HORMAD2: variants seen among roughly 807,000 people sequenced by gnomAD.
HORMAD2 encodes HORMA domain containing 2.
In HORMAD2, 45 loss-of-function variants were observed where a neutral mutation model predicts 38.8. The ratio of observed to expected loss-of-function variants is 1.16; its 90% confidence interval spans 0.91 to 1.49. The LOEUF (loss-of-function observed/expected upper bound fraction) is 1.49, where lower values mean the gene tolerates loss of function less well. Ranked by LOEUF, HORMAD2 falls within the 40% of genes most tolerant of loss-of-function variation. HORMAD2 has a pLI of 0.00. For missense variants in HORMAD2, 338 were observed against 367.0 expected (o/e 0.92, Z 0.65); for synonymous variants, 126 against 122.8 (o/e 1.03, Z -0.17).
intron 10 of HORMAD2, among the ~76,000 whole-genome samples, chr22:30,145,727 T>G (rs1200426409): frequency 6.6e-6 from 1 of 152,226 alleles, no homozygotes; most frequent in Non-Finnish European, 1.5e-5. Flanking sequence ...AAGCTGTGTG[T>G]AATTGAAATT....
the HORMAD2 span, among the ~76,000 whole-genome samples, chr22:30,194,208 C>T: frequency 2.6e-5 from 4 of 152,170 alleles, no homozygotes; most frequent in Non-Finnish European, 4.4e-5. Flanking sequence ...ACATTTAGAG[C>T]GTTGCATTTA....
At chr22:30,136,231 A>T (rs889979998) in intron 10 of HORMAD2, among the ~76,000 whole-genome samples, 6 of 152,240 alleles carry the variant, frequency 3.9e-5, no homozygotes, top group Non-Finnish European at 7.3e-5. Context: ...AAGTTAAAGA[A>T]GCCAGAATCA....
chr22:30,188,552 A>ACAG, the HORMAD2 span, among the ~76,000 whole-genome samples: 38 of 152,366 alleles, frequency 2.5e-4, no homozygotes, highest in African/African-American at 8.9e-4. Flanking sequence ...TTTTGTATGT[A>ACAG]CATAAATTTC....
In HORMAD2 at chr22:30,176,254, C is replaced by T; in HGVS notation, c.*87C>T. 9 of 922,448 alleles carry T rather than the reference C, an allele frequency of 9.8e-6. No homozygotes were observed. Among genetic ancestry groups the T allele is most frequent in the Non-Finnish European group, 1.5e-5 (9 of 618,810 alleles). The allele number at this position is 922,448 out of a possible 1,614,324, so 57.1% of individuals were successfully genotyped here. A position where few individuals can be genotyped will look rare whatever the true frequency, so the allele number is the denominator to read the frequency against. ...ACTGTCTTAGCAGGAAAGTACATTC[C>T]TGTTACCAAAACCTTTTTCTAAATT... On this transcript the variant is annotated 3_prime_UTR_variant, in exon 11 of 11. Transcript: ENST00000336726.
chr22:30,105,842 C>T (rs1921149546), intron 5 of HORMAD2, among the ~76,000 whole-genome samples: 1 of 152,188 alleles, frequency 6.6e-6, no homozygotes, highest in South Asian at 2.1e-4. Context: ...CTCCCCATCA[C>T]CTTACAGTGT....
chr22:30,172,325 A>G (rs1926159731), intron 10 of HORMAD2, among the ~76,000 whole-genome samples: 2 of 152,234 alleles, frequency 1.3e-5, no homozygotes, highest in Admixed American at 1.3e-4. Context: ...CTGACACTCA[A>G]TAAATAACTG....
chr22:30,204,584 G>A, the HORMAD2 span, among the ~76,000 whole-genome samples: 1 of 152,132 alleles, frequency 6.6e-6, no homozygotes, highest in Non-Finnish European at 1.5e-5. Context: ...TGTGGTTGCT[G>A]GTCAGAAGCA....
In HORMAD2 at chr22:30,129,217, C is replaced by CAAAAAAAAAAAA. The variant is rs750796623; in HGVS notation, c.819+7031_819+7042dup. On this transcript the variant is annotated intron_variant, in intron 10 of 10. Coordinates refer to ENST00000336726, the MANE Select transcript of HORMAD2 (RefSeq NM_152510.4). Reference sequence around the variant, plus strand: ...TGGGTGGCAGAGTGAGACTCTATCTCAAAAAAAAAAAAAAAAAAAAAAAAA... The same window carrying CAAAAAAAAAAAA: ...TGGGTGGCAGAGTGAGACTCTATCTCAAAAAAAAAAAAAAAAAAAAAAAAAAAAAAAAAAAAA... Among the ~76,000 whole-genome samples the CAAAAAAAAAAAA allele has an allele frequency of 1.8e-4, 4 of 22,646 alleles. No individual in the cohort carries two copies. In the East Asian group the frequency reaches 6.0e-3, roughly 34 times the overall value. 14.9% of individuals were successfully genotyped at this position (22,646 alleles called of 152,430 possible). A position where few individuals can be genotyped will look rare whatever the true frequency, so the allele number is the denominator to read the frequency against.
intron 1 of HORMAD2, among the ~76,000 whole-genome samples, chr22:30,087,334 A>G (rs1274339676): frequency 6.6e-6 from 1 of 152,226 alleles, no homozygotes; most frequent in Non-Finnish European, 1.5e-5. Flanking sequence ...GAGAACATCA[A>G]GGTGGAACAG....
At chr22:30,117,382 C>T (rs1216686092) in intron 7 of HORMAD2, among the ~76,000 whole-genome samples, 1 of 152,116 alleles carries the variant, frequency 6.6e-6, no homozygotes, top group Non-Finnish European at 1.5e-5. Context: ...TACTGTATGA[C>T]ATATCTGGGC....
chr22:30,138,361 T>C (rs1357845758), intron 10 of HORMAD2, among the ~76,000 whole-genome samples: 1 of 151,238 alleles, frequency 6.6e-6, no homozygotes, highest in East Asian at 1.9e-4. Flanking sequence ...GGAGATGGGG[T>C]CTCGCCATGT....
chr22:30,089,149 C>T (rs2068635875), intron 1 of HORMAD2, among the ~76,000 whole-genome samples: 1 of 152,116 alleles, frequency 6.6e-6, no homozygotes, highest in South Asian at 2.1e-4. Context: ...AATAATTCTG[C>T]CCTCTTGGGA....
At chr22:30,153,847 C>G (rs191671859) in intron 10 of HORMAD2, among the ~76,000 whole-genome samples, 1 of 152,338 alleles carries the variant, frequency 6.6e-6, no homozygotes, top group East Asian at 1.9e-4. Flanking sequence ...ATCAGTGAGT[C>G]TAGTGAGCTT....
chr22:30,174,883 A>G (rs1225966599), intron 10 of HORMAD2, among the ~76,000 whole-genome samples: 1 of 152,108 alleles, frequency 6.6e-6, no homozygotes, highest in East Asian at 1.9e-4. Flanking sequence ...TTTTACATGT[A>G]AGTAAACGAG....
At chr22:30,122,983 A>G (rs1003921338) in intron 10 of HORMAD2, among the ~76,000 whole-genome samples, 2 of 152,130 alleles carry the variant, frequency 1.3e-5, no homozygotes, top group Non-Finnish European at 2.9e-5. Flanking sequence ...TTTTAAGATT[A>G]GAATGATAAC....
the HORMAD2 span, among the ~76,000 whole-genome samples, chr22:30,198,946 G>A: frequency 6.2e-4 from 95 of 152,304 alleles, 1 homozygote; most frequent in Admixed American, 1.2e-3. Context: ...TACCAGCTTC[G>A]TACAAGGCTG....
intron 10 of HORMAD2, among the ~76,000 whole-genome samples, chr22:30,158,865 G>T (rs1458530417): frequency 1.3e-5 from 2 of 151,538 alleles, no homozygotes; most frequent in African/African-American, 4.9e-5. Context: ...TTGTATTTTT[G>T]GTAGAGATGG....
At chr22:30,111,769 A>AAT (rs1486527975) in intron 5 of HORMAD2, 27 bp from the exon 6 acceptor site, 1 of 1,502,534 alleles carries the variant, frequency 6.7e-7, no homozygotes, top group Non-Finnish European at 9.0e-7. Context: ...ATGTAATAAT[A>AAT]ATAGTTTTTT....
At chr22:30,106,320 A>AT (rs906326550) in intron 5 of HORMAD2, among the ~76,000 whole-genome samples, 3 of 152,152 alleles carry the variant, frequency 2.0e-5, no homozygotes, top group Admixed American at 6.6e-5. Context: ...CTATATATTG[A>AT]TTTTTTTATA....
Sources: gnomAD v4.1 joint callset for allele counts (sites outside exome capture counted in the v4.1 genomes callset) on GRCh38, gnomAD v4.1.1 for gene constraint, MANE v1.5 for transcripts, NCBI Gene and HGNC (gene_info 2026-07-23, HGNC 2026-07-21) for gene names.